Variants in GARIN5B observed in about 807,000 individuals in gnomAD.
GARIN5B encodes Golgi-associated RAB2 interactor protein 5B.
the GARIN5B span, chr19:55,362,634 G>A: frequency 1.9e-6 from 3 of 1,547,748 alleles, no homozygotes; most frequent in Non-Finnish European, 2.6e-6. Flanking sequence ...CGATCAGCAA[G>A]ATGTCAGGCA....
At chr19:55,361,665 ACTCAGGGGTCCAGGCCTCAGTTC>A in the GARIN5B span, among the ~76,000 whole-genome samples, 7 of 16,754 alleles carry the variant, frequency 4.2e-4, no homozygotes, top group African/African-American at 8.1e-4. Flanking sequence ...TCCTCCCTTG[ACTCAGGGGTCCAGGCCTCAGTTC>A]CTCCTCCCTC....
chr19:55,356,004 T>C, the GARIN5B span, among the ~76,000 whole-genome samples: 1 of 151,318 alleles, frequency 6.6e-6, no homozygotes, highest in Admixed American at 6.6e-5. Context: ...AATCAAAAAC[T>C]TGGCTGGGCT....
At chr19:55,358,311 C>A in the GARIN5B span, 2 of 1,541,506 alleles carry the variant, frequency 1.3e-6, no homozygotes, top group South Asian at 1.2e-5. Context: ...TCCTGCGACA[C>A]CCTCTTGGGC....
At chr19:55,359,190 G>GGGTA in the GARIN5B span, 3 of 1,551,418 alleles carry the variant, frequency 1.9e-6, no homozygotes, top group Non-Finnish European at 2.6e-6. Flanking sequence ...TCGCCAGGGA[G>GGGTA]CTTCCCCCGT....
chr19:55,361,462 G>C, the GARIN5B span: 1 of 1,468,448 alleles, frequency 6.8e-7, no homozygotes, highest in Non-Finnish European at 9.0e-7. Flanking sequence ...GGCAGGAGGG[G>C]CCCGGGCTTC....
At chr19:55,359,203 G>A in the GARIN5B span, 11 of 1,551,234 alleles carry the variant, frequency 7.1e-6, no homozygotes, top group Admixed American at 2.0e-5. Context: ...TCCCCCGTGA[G>A]GCAGGCGGGC....
chr19:55,363,232 G>T, the GARIN5B span: 1 of 655,506 alleles, frequency 1.5e-6, no homozygotes, highest in Non-Finnish European at 2.3e-6. This position sits in a 1 kb window ranked among gnomAD's most constrained non-coding sequence, Gnocchi z 4.0. Flanking sequence ...CCTCCGCCAT[G>T]GCCCTGCCAG....
the GARIN5B span, among the ~76,000 whole-genome samples, chr19:55,356,417 G>A: frequency 6.6e-6 from 1 of 151,706 alleles, no homozygotes; most frequent in Non-Finnish European, 1.5e-5. Context: ...CTGTTGCCCA[G>A]GCTGGAGTGC....
the GARIN5B span, chr19:55,360,042 G>C: frequency 5.5e-6 from 8 of 1,467,864 alleles, no homozygotes; most frequent in East Asian, 2.0e-4. Context: ...AGACCCGGGA[G>C]GGCAGACCCC....
the GARIN5B span, chr19:55,359,787 C>A: frequency 7.1e-6 from 11 of 1,551,400 alleles, no homozygotes; most frequent in Non-Finnish European, 9.6e-6. Context: ...GGAGCCAGAC[C>A]GGAGGCAGCA....
chr19:55,358,694 G>A, the GARIN5B span: 9 of 1,550,858 alleles, frequency 5.8e-6, no homozygotes, highest in Non-Finnish European at 6.1e-6. Context: ...CTGCGGAGTC[G>A]CCAAGAGCCA....
At chr19:55,358,366 C>T in the GARIN5B span, 10 of 1,516,360 alleles carry the variant, frequency 6.6e-6, no homozygotes, top group Middle Eastern at 5.2e-4. Flanking sequence ...AGATGAGGGT[C>T]TCCGAGAGGG....
the GARIN5B span, chr19:55,359,053 C>G: frequency 3.9e-6 from 6 of 1,551,378 alleles, no homozygotes; most frequent in Non-Finnish European, 5.2e-6. Context: ...GGGACTTGGC[C>G]TGAGTCGTCA....
At chr19:55,363,031 CG>C in the GARIN5B span, 1 of 1,494,806 alleles carries the variant, frequency 6.7e-7, no homozygotes, top group South Asian at 1.3e-5. The surrounding 1 kb of genome is among the most constrained non-coding windows in gnomAD (Gnocchi z 4.0). Flanking sequence ...TGCCCTGGAG[CG>C]GCTCAAGGCA....
At chr19:55,362,657 G>C in the GARIN5B span, 1 of 1,546,818 alleles carries the variant, frequency 6.5e-7, no homozygotes, top group East Asian at 2.4e-5. Flanking sequence ...ACCAGGCCTG[G>C]CAGGGAGGCG....
chr19:55,359,016 T>C, the GARIN5B span: 18 of 1,551,022 alleles, frequency 1.2e-5, no homozygotes, highest in Non-Finnish European at 1.5e-5. Context: ...TTGGACTCCT[T>C]CTTGGTCACG....
the GARIN5B span, chr19:55,362,896 G>A: frequency 1.3e-4 from 195 of 1,488,966 alleles, 3 homozygotes; most frequent in South Asian, 2.3e-3. Flanking sequence ...TCTCAGCCCC[G>A]GGGCACTGGG....
At chr19:55,359,574 G>T in the GARIN5B span, 4 of 1,551,028 alleles carry the variant, frequency 2.6e-6, no homozygotes, top group East Asian at 4.9e-5. Context: ...CCAGGTGGGG[G>T]TTTCCACGAT....
chr19:55,357,047 A>T, the GARIN5B span, among the ~76,000 whole-genome samples: 1 of 151,916 alleles, frequency 6.6e-6, no homozygotes, highest in African/African-American at 2.4e-5. Flanking sequence ...ACAGAGCAAG[A>T]CTCCGTCAGA....
Sources: allele counts gnomAD v4.1 joint callset (sites outside exome capture counted in the v4.1 genomes callset), GRCh38; gene constraint gnomAD v4.1.1; non-coding constraint Gnocchi (gnomAD v3.1); transcripts MANE v1.5; gene names NCBI Gene and HGNC (gene_info 2026-07-23, HGNC 2026-07-21).